Variants in RIMS1 observed in about 807,000 individuals in gnomAD.
RIMS1 encodes regulating synaptic membrane exocytosis 1, also known as regulating synaptic membrane exocytosis protein 1.
Under a neutral mutation model 214.1 loss-of-function variants are expected in RIMS1, and 83 were observed. The ratio of observed to expected loss-of-function variants is 0.39; its 90% CI spans 0.32 to 0.47. The LOEUF (loss-of-function observed/expected upper bound fraction) is 0.47. Among genes scored for constraint, RIMS1 ranks in the 20% least tolerant of loss-of-function variants. RIMS1 has a pLI of 0.99. For synonymous variants in RIMS1, 793 were observed against 786.8 expected (o/e 1.01, Z -0.13); for missense variants, 2,050 against 2,161.8 (o/e 0.95, Z 1.03).
Position 72,292,033 on chromosome 6 carries a change from C to A in RIMS1, c.3837C>A (p.Gly1279=), listed in dbSNP as rs2093465094. 2.6e-6 allele frequency: 4 copies of A among 1,553,594 alleles called. No homozygotes were observed. The highest frequency in any genetic ancestry group is 3.5e-6 in the Non-Finnish European group (4 of 1,147,692). ...TCCCACAAGTGCCAGTGAGAAGCGG[C>A]AGTATAGAACAAGGTATCCGATAAA... ...RQLPQVPVRS[G]SIEQASLVVE... The change falls in exon 26 of 34, where the codon GGC becomes GGA. Residue 1279 remains glycine, a synonymous_variant. Coordinates refer to ENST00000521978, the MANE Select transcript of RIMS1 (RefSeq NM_014989.7).
intron 29 of RIMS1, among the ~76,000 whole-genome samples, chr6:72,345,699 C>T (rs1348172582): frequency 1.3e-5 from 2 of 151,664 alleles, no homozygotes; most frequent in Non-Finnish European, 3.0e-5. Context: ...TATTTAAGAC[C>T]ACTTAGTACA....
intron 4 of RIMS1, among the ~76,000 whole-genome samples, chr6:72,104,705 ATAAAAATTTAGTAGAGTTTCTC>A (rs1206458602): frequency 1.3e-5 from 2 of 152,216 alleles, no homozygotes; most frequent in African/African-American, 4.8e-5. Context: ...TGCTGTTCTT[ATAAAAATTTAGTAGAGTTTCTC>A]TAACAGATGT....
chr6:72,234,744 A>G (rs2063374353), intron 7 of RIMS1, among the ~76,000 whole-genome samples: 1 of 151,920 alleles, frequency 6.6e-6, no homozygotes. Flanking sequence ...TTCCCCACTA[A>G]GTCCCTGACA....
chr6:72,254,116 G>A (rs545044445), intron 16 of RIMS1, among the ~76,000 whole-genome samples: 39 of 152,128 alleles, frequency 2.6e-4, no homozygotes, highest in Non-Finnish European at 4.1e-4. Flanking sequence ...CGCCCACCTC[G>A]GCCTCCCAAA....
rs2073181755 is a variant in RIMS1 at position 72,251,286 on chromosome 6, G to A, written c.2616G>A (p.Glu872=). The A allele has an allele frequency of 1.3e-6, 2 of 1,599,320 alleles. No individual in the cohort carries two copies. The highest frequency in any genetic ancestry group is 1.7e-6 in the Non-Finnish European group (2 of 1,172,190). The change falls in exon 15 of 34, where the codon GAG becomes GAA. Residue 872 remains glutamate, a synonymous_variant. Coordinates refer to ENST00000521978, the MANE Select transcript of RIMS1 (RefSeq NM_014989.7). ...PHWYKLQTHD[E]SSLPLPQPSP... Reference sequence around the variant, plus strand: ...GGTATAAACTTCAGACACATGATGAGTCTTCACTACCTCTGCCTCAGCCAT... The same window carrying A: ...GGTATAAACTTCAGACACATGATGAATCTTCACTACCTCTGCCTCAGCCAT...
chr6:72,156,762 T>A (rs2153918092), intron 4 of RIMS1, among the ~76,000 whole-genome samples: 1 of 141,166 alleles, frequency 7.1e-6, no homozygotes, highest in African/African-American at 2.4e-5. Flanking sequence ...TATATAATTT[T>A]ATTTGTCAAT....
chr6:71,940,958 A>G (rs1785919992), intron 1 of RIMS1, among the ~76,000 whole-genome samples: 1 of 152,190 alleles, frequency 6.6e-6, no homozygotes, highest in African/African-American at 2.4e-5. Context: ...TTTTTAAGTA[A>G]ATGCTTTGAG....
chr6:72,159,458 C>T, intron 4 of RIMS1, among the ~76,000 whole-genome samples: 1 of 140,788 alleles, frequency 7.1e-6, no homozygotes, highest in Admixed American at 7.3e-5. Context: ...ACATGAAGTC[C>T]TTGCCCATGC....
chr6:72,148,398 G>C (rs186866968), intron 4 of RIMS1, among the ~76,000 whole-genome samples: 1 of 152,110 alleles, frequency 6.6e-6, no homozygotes, highest in African/African-American at 2.4e-5. Flanking sequence ...AAAAAAAGAT[G>C]TCCCCATTTT....
intron 6 of RIMS1, among the ~76,000 whole-genome samples, chr6:72,198,749 A>G (rs973372577): frequency 1.3e-5 from 2 of 151,930 alleles, no homozygotes; most frequent in African/African-American, 2.4e-5. Context: ...CTATGGGTGT[A>G]ACAAAATAGT....
chr6:72,150,828 G>A (rs2043453359), intron 4 of RIMS1, among the ~76,000 whole-genome samples: 1 of 152,076 alleles, frequency 6.6e-6, no homozygotes, highest in African/African-American at 2.4e-5. Context: ...GAGGACATCT[G>A]CTCTAAGGTG....
chr6:72,266,199 TC>T lies in RIMS1; in HGVS notation c.3398+151del, dbSNP rs1197490960. ...ATTTCCCCTTCCCTTATTATACATG[TC>T]TATTTAGAGATATGCGTATGTGGAT... is the stretch of plus-strand genomic sequence containing the variant. On this transcript the variant is annotated intron_variant, in intron 22 of 33. Coordinates refer to ENST00000521978, the MANE Select transcript of RIMS1 (RefSeq NM_014989.7). 5.6e-5 allele frequency: 39 copies of T among 691,730 alleles called. No homozygotes were observed. The African/African-American group carries it at 6.7e-4, about 12-fold the overall frequency. The allele number at this position is 691,730 out of a possible 1,614,324, so 42.8% of individuals were successfully genotyped here.
chr6:72,199,784 C>T (rs538382691), intron 6 of RIMS1, among the ~76,000 whole-genome samples: 4 of 152,112 alleles, frequency 2.6e-5, no homozygotes, highest in Admixed American at 2.6e-4. Context: ...TGTCTTTAAT[C>T]AGTTTTAACA....
At chr6:72,086,206 G>A (rs545269268) in intron 2 of RIMS1, among the ~76,000 whole-genome samples, 11 of 152,108 alleles carry the variant, frequency 7.2e-5, no homozygotes, top group East Asian at 5.8e-4. Context: ...CACAAAAAGC[G>A]TTGAAGGAGA....
At chr6:72,054,092 A>T (rs899877625) in intron 2 of RIMS1, among the ~76,000 whole-genome samples, 1 of 151,748 alleles carries the variant, frequency 6.6e-6, no homozygotes, top group African/African-American at 2.4e-5. Context: ...CCACCCCCCA[A>T]ACTGGCCCTG....
intron 1 of RIMS1, among the ~76,000 whole-genome samples, chr6:71,887,388 C>T (rs1166285495): frequency 6.6e-6 from 1 of 152,182 alleles, no homozygotes; most frequent in African/African-American, 2.4e-5. Context: ...GGGGATATGC[C>T]ACAGATCCAG....
Position 71,917,203 on chromosome 6 carries a change from G to C in RIMS1, c.164+30016G>C, listed in dbSNP as rs186252608. On this transcript the variant is annotated intron_variant, in intron 1 of 33. Transcript: ENST00000521978. ...CTTAAAACAGTGCCTGTCACATAAG[G>C]GCTATGTAAACACTGGCTATTACCA... 2.4e-4 allele frequency among the ~76,000 whole-genome samples: 37 copies of C among 152,156 alleles called. No individual in the cohort carries two copies. The East Asian group carries it at 6.6e-3, about 27-fold the overall frequency.
rs1196008138 is a variant in RIMS1, at chr6:71,886,900, G to GCTC, written c.-115_-113dup. ...TGCTGCTGCTGCCGCCGCCGCCGCT[G>GCTC]CTCCTCCTCCTGCCGCCGCCGCTAG... On this transcript the variant is annotated 5_prime_UTR_variant, in exon 1 of 34. Transcript: ENST00000521978. 9.0e-7 allele frequency: 1 copy of GCTC among 1,110,580 alleles called. No homozygotes were observed. The highest frequency in any genetic ancestry group is 2.4e-5 in the Admixed American group (1 of 42,258). 68.8% of individuals were successfully genotyped at this position (1,110,580 alleles called of 1,614,324 possible).
At chr6:72,288,319 T>C (rs2092746989) in intron 24 of RIMS1, among the ~76,000 whole-genome samples, 2 of 152,252 alleles carry the variant, frequency 1.3e-5, no homozygotes, top group Non-Finnish European at 2.9e-5. Context: ...TATATACTTG[T>C]ATGTATAAAC....
Sources: allele counts gnomAD v4.1 joint callset (sites outside exome capture counted in the v4.1 genomes callset), GRCh38; gene constraint gnomAD v4.1.1; transcripts MANE v1.5; gene names NCBI Gene and HGNC (gene_info 2026-07-23, HGNC 2026-07-21).